The following RBFOX3 variants were observed in gnomAD, a reference collection of about 807,000 sequenced individuals.
The protein encoded by RBFOX3 is RNA binding protein fox-1 homolog 3.
In RBFOX3, 17 loss-of-function variants were observed where a neutral mutation model predicts 48.7. That is an observed-to-expected ratio of 0.35 (90% CI 0.24 to 0.52). The LOEUF (loss-of-function observed/expected upper bound fraction) is 0.52, where lower values mean the gene tolerates loss of function less well. RBFOX3 is among the 20% of genes least tolerant of loss of function. The pLI is 0.94. For synonymous variants in RBFOX3, 212 were observed against 209.5 expected, an observed-to-expected ratio of 1.01 and a Z score of -0.10; for missense variants, 382 against 497.5, an observed-to-expected ratio of 0.77 and a Z score of 2.21.
At chr17:79,571,613 G>A (rs1031279474) in intron 1 of RBFOX3, among the ~76,000 whole-genome samples, 6 of 149,356 alleles carry the variant, frequency 4.0e-5, no homozygotes, top group South Asian at 2.1e-4. Flanking sequence ...TAAACCTGGA[G>A]TCTCATATTT....
At chr17:79,399,818 C>T (rs1363248120) in intron 2 of RBFOX3, among the ~76,000 whole-genome samples, 1 of 152,230 alleles carries the variant, frequency 6.6e-6, no homozygotes, top group African/African-American at 2.4e-5. Flanking sequence ...CTTCAGCAAG[C>T]GTGAACGCGC....
chr17:79,364,429 T>C lies in RBFOX3; in HGVS notation c.-174-56605A>G, dbSNP rs2057425051. ...ATTCAGATGCAGGTGGACTCTGAAC[T>C]CTGCGAGGAAAGAGATGCTCTCTGC... On this transcript the variant is annotated intron_variant, in intron 2 of 14. Coordinates refer to ENST00000693108, the MANE Select transcript of RBFOX3 (RefSeq NM_001350451.2). This position sits in a 1 kb window ranked among gnomAD's most constrained non-coding sequence, Gnocchi z 5.1. Among the ~76,000 whole-genome samples, 4 of 152,228 alleles carry C rather than the reference T, an allele frequency of 2.6e-5. No individual in the cohort carries two copies. In the South Asian group the frequency reaches 8.3e-4, roughly 32 times the overall value.
intron 1 of RBFOX3, among the ~76,000 whole-genome samples, chr17:79,588,660 C>G (rs1055358469): frequency 3.2e-4 from 49 of 152,190 alleles, no homozygotes; most frequent in Non-Finnish European, 5.7e-4. Flanking sequence ...AGAGACCTGT[C>G]CTGAGCTTGG....
At chr17:79,094,043 G>T (rs1469144862) in intron 14 of RBFOX3, among the ~76,000 whole-genome samples, 1 of 151,988 alleles carries the variant, frequency 6.6e-6, no homozygotes, top group South Asian at 2.1e-4. Context: ...GTGGGTATGC[G>T]GTGTGGGCAG....
chr17:79,372,287 A>G lies in RBFOX3; in HGVS notation c.-174-64463T>C, dbSNP rs1219585378. ...CAATCCTATGGCTCCCCTGGGTCCT[A>G]TAGCCCCTCTATACTATAGACCCCC... On this transcript the variant is annotated intron_variant, in intron 2 of 14. Coordinates refer to ENST00000693108, the MANE Select transcript of RBFOX3 (RefSeq NM_001350451.2). Among the ~76,000 whole-genome samples, 3 of 119,246 alleles carry G rather than the reference A, an allele frequency of 2.5e-5. No individual in the cohort carries two copies. In the East Asian group the frequency reaches 8.3e-4, roughly 33 times the overall value. 78.2% of individuals were successfully genotyped at this position (119,246 alleles called of 152,430 possible). A position where few individuals can be genotyped will look rare whatever the true frequency, so the allele number is the denominator to read the frequency against.
rs1196687063 is a variant in RBFOX3, at chr17:79,421,827, A to T, written c.-175+60627T>A. On this transcript the variant is annotated intron_variant, in intron 2 of 14. Coordinates refer to ENST00000693108, the MANE Select transcript of RBFOX3 (RefSeq NM_001350451.2). This position sits in a 1 kb window ranked among gnomAD's most constrained non-coding sequence, Gnocchi z 4.5. ...AGAGAGAGAGAAGGGGAAGGAAGTGATCAGGTGCCGGAAGGCCCCGTGAGG... is the reference window on the plus strand; with the variant it reads ...AGAGAGAGAGAAGGGGAAGGAAGTGTTCAGGTGCCGGAAGGCCCCGTGAGG... Among the ~76,000 whole-genome samples the T allele has an allele frequency of 1.3e-5, 2 of 152,022 alleles. No homozygotes were observed. The highest frequency in any genetic ancestry group is 2.4e-5 in the African/African-American group (1 of 41,364).
intron 3 of RBFOX3, among the ~76,000 whole-genome samples, chr17:79,270,991 T>G (rs1332298406): frequency 3.3e-5 from 5 of 152,246 alleles, no homozygotes; most frequent in African/African-American, 9.6e-5. Context: ...TTTGTTTTTT[T>G]CTTCTCCAAA....
the RBFOX3 span, among the ~76,000 whole-genome samples, chr17:79,652,594 G>GAGGAA: frequency 4.2e-5 from 1 of 23,908 alleles, no homozygotes; most frequent in East Asian, 1.2e-3. Flanking sequence ...GAGGAGAGGA[G>GAGGAA]AGGAGAGGAA....
At chr17:79,282,733 G>T (rs901527772) in intron 3 of RBFOX3, among the ~76,000 whole-genome samples, 2 of 152,224 alleles carry the variant, frequency 1.3e-5, no homozygotes, top group African/African-American at 4.8e-5. Context: ...GGCATCGGGG[G>T]CCTCAGCCCA....
At chr17:79,125,469 G>A (rs761448494) in intron 4 of RBFOX3, among the ~76,000 whole-genome samples, 1 of 152,244 alleles carries the variant, frequency 6.6e-6, no homozygotes, top group Non-Finnish European at 1.5e-5. Flanking sequence ...TTCTCTACCC[G>A]GCCTATCCCT....
rs186044609 is a variant in RBFOX3, at chr17:79,544,043, G to A, written c.-319-61445C>T. 2.6e-5 allele frequency among the ~76,000 whole-genome samples: 4 copies of A among 152,300 alleles called. No homozygotes were observed. In the East Asian group the frequency reaches 7.7e-4, roughly 29 times the overall value. ...AACCCTCAGCCCGTCCCTGGGCATT[G>A]AGAGCTCCTTTCCCCTGTGCTAAGG... On this transcript the variant is annotated intron_variant, in intron 1 of 14. Transcript: ENST00000693108.
At chr17:79,227,922 C>A (rs2060512364) in intron 4 of RBFOX3, among the ~76,000 whole-genome samples, 1 of 152,222 alleles carries the variant, frequency 6.6e-6, no homozygotes, top group Admixed American at 6.5e-5. Context: ...TTTTTAGCCA[C>A]CAACAGCGAT....
chr17:79,559,493 T>G (rs1599155338), intron 1 of RBFOX3, among the ~76,000 whole-genome samples: 1 of 145,490 alleles, frequency 6.9e-6, no homozygotes, highest in East Asian at 2.1e-4. Flanking sequence ...GATGGGTAGG[T>G]GGTGGATTTT....
At chr17:79,245,873 C>T (rs966384753) in intron 3 of RBFOX3, among the ~76,000 whole-genome samples, 1 of 152,166 alleles carries the variant, frequency 6.6e-6, no homozygotes, top group African/African-American at 2.4e-5. Flanking sequence ...GCTATCCACT[C>T]ACCTTGACCT....
intron 2 of RBFOX3, among the ~76,000 whole-genome samples, chr17:79,377,628 GA>G (rs2059383044): frequency 6.6e-6 from 1 of 152,234 alleles, no homozygotes; most frequent in African/African-American, 2.4e-5. Context: ...CAGGGAGCCA[GA>G]ACGGCATTGT....
chr17:79,169,586 C>T (rs1050885651), intron 4 of RBFOX3, among the ~76,000 whole-genome samples: 5 of 152,218 alleles, frequency 3.3e-5, no homozygotes. Flanking sequence ...CTGCAGCCCT[C>T]GAGAAACAGG....
rs571778311 is a variant in RBFOX3 at position 79,355,584 on chromosome 17, CT to C, written c.-174-47761del. ...ATACCCCAAGCCTGTGAATTAATTG[CT>C]TTTTTTTTTTTCCGAAACGGAGTCT... On this transcript the variant is annotated intron_variant, in intron 2 of 14. Coordinates refer to ENST00000693108, the MANE Select transcript of RBFOX3 (RefSeq NM_001350451.2). Among the ~76,000 whole-genome samples, 1,255 of 146,500 alleles carry C rather than the reference CT, an allele frequency of 8.6e-3. 37 individuals are homozygous for C. The highest frequency in any genetic ancestry group is 0.062 in the Admixed American group (912 of 14,650).
intron 2 of RBFOX3, among the ~76,000 whole-genome samples, chr17:79,357,778 G>T (rs2147186920): frequency 6.6e-6 from 1 of 151,250 alleles, no homozygotes; most frequent in East Asian, 2.0e-4. Flanking sequence ...AAAAGACAGA[G>T]AAATATTTTG....
chr17:79,323,978 A>C (rs1318950354), intron 2 of RBFOX3, among the ~76,000 whole-genome samples: 1 of 152,200 alleles, frequency 6.6e-6, no homozygotes, highest in African/African-American at 2.4e-5. Flanking sequence ...AGCATCACTC[A>C]AGTGCTTCTG....
Sources: allele counts gnomAD v4.1 joint callset (sites outside exome capture counted in the v4.1 genomes callset), GRCh38; gene constraint gnomAD v4.1.1; non-coding constraint Gnocchi (gnomAD v3.1); transcripts MANE v1.5; gene names NCBI Gene and HGNC (gene_info 2026-07-23, HGNC 2026-07-21).